The following STT3B variants were observed in gnomAD, a reference collection of about 807,000 sequenced individuals.
STT3B encodes dolichyl-diphosphooligosaccharide--protein glycosyltransferase subunit STT3B.
STT3B carries 29 observed loss-of-function variants against 96.8 expected under a neutral mutation model. The ratio of observed to expected loss-of-function variants is 0.30; its 90% CI spans 0.22 to 0.41. The LOEUF (loss-of-function observed/expected upper bound fraction) is 0.41, where lower values mean the gene tolerates loss of function less well. STT3B is among the 10% of genes least tolerant of loss of function. The probability of loss-of-function intolerance (pLI) is 1.00; values close to 1 mark genes in which losing one functional copy is unlikely to be tolerated. For synonymous variants in STT3B, 367 were observed against 360.0 expected (o/e 1.02, Z -0.22); for missense variants, 640 against 1,022.3 (o/e 0.63, Z 5.10).
At position 31,576,453 on chromosome 3, in the gene STT3B, T is replaced by C. The variant is rs150886803; in HGVS notation, c.372T>C (p.Asn124=). 2.8e-3 allele frequency: 4,562 copies of C among 1,606,632 alleles called. 16 individuals are homozygous for C. The highest frequency in any genetic ancestry group is 3.1e-3 in the Non-Finnish European group (3,602 of 1,175,714). ...LASHGFYEFL[N]WFDERAWYPL... is the part of the protein sequence containing the mutation. ...CTCATGGGTTCTATGAATTTTTAAA[T>C]TGGTTTGATGAAAGAGCATGGTATC... The change falls in exon 2 of 16, where the codon AAT becomes AAC. Residue 124 remains asparagine, a synonymous_variant. Transcript: ENST00000295770.
chr3:31,543,057 C>A (rs1378958453), intron 1 of STT3B, among the ~76,000 whole-genome samples: 16 of 99,710 alleles, frequency 1.6e-4, no homozygotes, highest in African/African-American at 4.8e-4. Flanking sequence ...CAGAGTGAGA[C>A]TCCATCTCAC....
chr3:31,625,882 A>C, intron 12 of STT3B, 72 bp from the exon 13 acceptor site: 1 of 1,382,132 alleles, frequency 7.2e-7, no homozygotes, highest in Non-Finnish European at 9.8e-7. Flanking sequence ...ATGTTGTAGT[A>C]AAAAATATAC....
chr3:31,596,714 G>A lies in STT3B; in HGVS notation c.712-84G>A, dbSNP rs1472966931. 4 of 1,034,910 alleles carry A rather than the reference G, an allele frequency of 3.9e-6. No homozygotes were observed. In the East Asian group the frequency reaches 7.2e-5, roughly 19 times the overall value. The allele number at this position is 1,034,910 out of a possible 1,614,324, so 64.1% of individuals were successfully genotyped here. ...GAATAACCTTGACTTTTTGTAGCCT[G>A]TGGTTACCAAACATTTAACTTTTAA... On this transcript the variant is annotated intron_variant, in intron 3 of 15. Transcript: ENST00000295770.
chr3:31,573,100 A>G (rs1392584913), intron 1 of STT3B, among the ~76,000 whole-genome samples: 2 of 152,096 alleles, frequency 1.3e-5, no homozygotes, highest in African/African-American at 2.4e-5. Context: ...AGTCTTAACG[A>G]TCCTGTAACA....
Position 31,604,056 on chromosome 3 carries a change from T to C in STT3B, c.877+3597T>C, listed in dbSNP as rs72856052. On this transcript the variant is annotated intron_variant, in intron 5 of 15. Transcript: ENST00000295770. ...TAGTAATTTAAGCACAGAAAAGAAA[T>C]CAATTTCTAATATTGATGAATGCTT... Among the ~76,000 whole-genome samples, 400 of 152,266 alleles carry C rather than the reference T, an allele frequency of 2.6e-3. 2 individuals carry two copies. The highest frequency in any genetic ancestry group is 9.4e-3 in the African/African-American group (392 of 41,570).
intron 14 of STT3B, among the ~76,000 whole-genome samples, chr3:31,632,381 A>G (rs1171429863): frequency 6.6e-6 from 1 of 152,222 alleles, no homozygotes; most frequent in Non-Finnish European, 1.5e-5. Flanking sequence ...AGATACAGGT[A>G]ATTTTTAGCG....
intron 1 of STT3B, among the ~76,000 whole-genome samples, chr3:31,553,122 A>G (rs1440275844): frequency 1.3e-5 from 2 of 149,254 alleles, no homozygotes; most frequent in African/African-American, 5.0e-5. Context: ...AAAAAAAACC[A>G]AATAAAACTT....
chr3:31,552,989 C>A (rs1697603050), intron 1 of STT3B, among the ~76,000 whole-genome samples: 1 of 151,286 alleles, frequency 6.6e-6, no homozygotes, highest in Non-Finnish European at 1.5e-5. Context: ...GTAGTCCCAG[C>A]TACACGGGAG....
intron 5 of STT3B, among the ~76,000 whole-genome samples, chr3:31,601,258 T>C (rs954028412): frequency 2.4e-4 from 37 of 152,198 alleles, no homozygotes; most frequent in Admixed American, 2.4e-3. Flanking sequence ...TGAATGTTTA[T>C]AGCAGCATTT....
chr3:31,582,955 C>T (rs986952050), intron 3 of STT3B, among the ~76,000 whole-genome samples: 38 of 152,208 alleles, frequency 2.5e-4, no homozygotes, highest in African/African-American at 8.7e-4. Context: ...AATCTGCGGC[C>T]CAACATATTG....
chr3:31,584,175 ACT>A (rs1164591076), intron 3 of STT3B, among the ~76,000 whole-genome samples: 4 of 152,074 alleles, frequency 2.6e-5, no homozygotes, highest in South Asian at 2.1e-4. Flanking sequence ...AAAGAAAAAT[ACT>A]CTTTTTTGTT....
intron 1 of STT3B, among the ~76,000 whole-genome samples, chr3:31,538,375 G>A (rs1697153310): frequency 6.6e-6 from 1 of 152,092 alleles, no homozygotes; most frequent in African/African-American, 2.4e-5. Context: ...ATCATTCCAG[G>A]TTTTGGTTAG....
intron 14 of STT3B, among the ~76,000 whole-genome samples, chr3:31,632,456 A>G (rs1699683807): frequency 6.6e-6 from 1 of 152,196 alleles, no homozygotes; most frequent in Non-Finnish European, 1.5e-5. Context: ...AGGAAACAAT[A>G]AAGGAGATTT....
rs1353368766 is a variant in STT3B, at chr3:31,550,560, AG to A, written c.314+17249del. On this transcript the variant is annotated intron_variant, in intron 1 of 15. Transcript: ENST00000295770. The stretch of plus-strand genomic sequence containing the variant: ...CCTTCAGAGTTAACCTAGTAAAAAA[AG>A]TTATTCTCATATATCATTAGTAATC... 2.6e-5 allele frequency among the ~76,000 whole-genome samples: 4 copies of A among 152,368 alleles called. No individual in the cohort carries two copies. The East Asian group carries it at 7.7e-4, about 29-fold the overall frequency.
Position 31,533,107 on chromosome 3 carries a change from G to A in STT3B, c.109G>A (p.Gly37Arg), listed in dbSNP as rs745319362. Residue 37 changes from glycine (G) to arginine (R), a missense_variant, in exon 1 of 16, where the codon GGG becomes AGG. Around this residue, in one of 8 missense-constraint regions of STT3B, gnomAD observed 89 missense variants for 81.7 expected, o/e 1.09. Transcript: ENST00000295770. ...GNSRHGHHGP[G>R]AQCAHKAAGG... ...CAGCCGGCACGGCCACCACGGGCCCGGGGCCCAGTGCGCGCACAAGGCGGC... is the reference window on the plus strand; with the variant it reads ...CAGCCGGCACGGCCACCACGGGCCCAGGGCCCAGTGCGCGCACAAGGCGGC... 7 of 1,412,388 alleles carry A rather than the reference G, an allele frequency of 5.0e-6. No homozygotes were observed. The highest frequency in any genetic ancestry group is 1.5e-5 in the African/African-American group (1 of 66,872). 87.5% of individuals were successfully genotyped at this position (1,412,388 alleles called of 1,614,324 possible).
At chr3:31,573,793 G>A (rs1698208197) in intron 1 of STT3B, among the ~76,000 whole-genome samples, 1 of 152,136 alleles carries the variant, frequency 6.6e-6, no homozygotes, top group Non-Finnish European at 1.5e-5. Context: ...GGGCATACTG[G>A]TAATAATTGA....
chr3:31,571,283 A>AAT (rs1553603921), intron 1 of STT3B, among the ~76,000 whole-genome samples: 1 of 143,612 alleles, frequency 7.0e-6, no homozygotes, highest in African/African-American at 2.6e-5. Flanking sequence ...AGCCTCATGC[A>AAT]TTTTTTTTTT....
At chr3:31,592,967 C>T (rs78027217) in intron 3 of STT3B, among the ~76,000 whole-genome samples, 4,506 of 152,222 alleles carry the variant, frequency 0.03, 228 homozygotes, top group African/African-American at 0.1. Context: ...CTTCTGTCTG[C>T]TCTTCTATGA....
intron 5 of STT3B, among the ~76,000 whole-genome samples, chr3:31,608,174 G>A (rs1403902059): frequency 7.2e-5 from 11 of 152,136 alleles, no homozygotes; most frequent in African/African-American, 2.7e-4. Context: ...TGAGCCAAGA[G>A]CAGACAGGCA....
Sources: gnomAD v4.1 joint callset for allele counts (sites outside exome capture counted in the v4.1 genomes callset) on GRCh38, gnomAD v4.1.1 for gene constraint, gnomAD v4.1.1 regional missense constraint, MANE v1.5 for transcripts, NCBI Gene and HGNC (gene_info 2026-07-23, HGNC 2026-07-21) for gene names.